SNX14: variants seen among roughly 807,000 people sequenced by gnomAD.
The protein encoded by SNX14 is sorting nexin 14.
A neutral mutation model predicts 133.8 loss-of-function variants in SNX14; 93 were observed. The observed-to-expected ratio is 0.70, with a 90% CI of 0.59 to 0.83. The LOEUF (loss-of-function observed/expected upper bound fraction) is 0.83, where lower values mean the gene tolerates loss of function less well. Ranked by LOEUF, SNX14 falls within the 40% of genes least tolerant of loss-of-function variation. The pLI is 0.00. For synonymous variants in SNX14, 368 were observed against 365.6 expected (o/e 1.01, Z -0.07); for missense variants, 945 against 1,094.9 (o/e 0.86, Z 1.93).
chr6:85,526,955 GC>G lies in SNX14; in HGVS notation c.1996-719del, dbSNP rs1468648383. Among the ~76,000 whole-genome samples, 15 of 152,222 alleles carry G rather than the reference GC, an allele frequency of 9.9e-5. No homozygotes were observed. In the East Asian group the frequency reaches 2.7e-3, roughly 27 times the overall value. The stretch of plus-strand genomic sequence containing the variant: ...GTGGCAGTGGGTGCCTGTAATCCCA[GC>G]TACTTGGGAGGCCGAGGCTGGAGAA... On this transcript the variant is annotated intron_variant, in intron 20 of 28. Transcript: ENST00000314673.
At position 85,526,651 on chromosome 6, in the gene SNX14, A is replaced by C. The variant is rs137878648; in HGVS notation, c.1996-414T>G. Among the ~76,000 whole-genome samples the C allele has an allele frequency of 3.9e-5, 6 of 152,384 alleles. No individual in the cohort carries two copies. In the East Asian group the frequency reaches 1.2e-3, roughly 29 times the overall value. ...CTCAACTATAGAAAAAAATGATAGCATGATACAGCTGTCCTGATAAATTTT... is the reference window on the plus strand; with the variant it reads ...CTCAACTATAGAAAAAAATGATAGCCTGATACAGCTGTCCTGATAAATTTT... On this transcript the variant is annotated intron_variant, in intron 20 of 28. Coordinates refer to ENST00000314673, the MANE Select transcript of SNX14 (RefSeq NM_153816.6).
chr6:85,541,866 T>C, intron 15 of SNX14, 119 bp downstream of exon 15: 1 of 628,884 alleles, frequency 1.6e-6, no homozygotes, highest in Non-Finnish European at 2.6e-6. Flanking sequence ...GTAAAATGCC[T>C]TGTGAACTCA....
chr6:85,584,504 GA>G (rs1800026584), intron 1 of SNX14, among the ~76,000 whole-genome samples: 1 of 151,944 alleles, frequency 6.6e-6, no homozygotes, highest in African/African-American at 2.4e-5. Context: ...ATCCATCTGA[GA>G]AAGGGCTAAT....
intron 7 of SNX14, among the ~76,000 whole-genome samples, chr6:85,555,270 C>T (rs982262878): frequency 1.3e-5 from 2 of 152,156 alleles, no homozygotes; most frequent in Non-Finnish European, 1.5e-5. Flanking sequence ...ATACTTCCCC[C>T]GCACAAAAAC....
chr6:85,569,189 C>T (rs1254937474), intron 4 of SNX14, among the ~76,000 whole-genome samples: 3 of 152,032 alleles, frequency 2.0e-5, no homozygotes, highest in African/African-American at 7.2e-5. Context: ...CTCGAACTCC[C>T]GACCTTAGGT....
At chr6:85,531,883 C>T (rs1478684055) in intron 18 of SNX14, among the ~76,000 whole-genome samples, 3 of 152,118 alleles carry the variant, frequency 2.0e-5, no homozygotes, top group South Asian at 2.1e-4. Context: ...TTAAAATTAG[C>T]TGGGCGTGGT....
intron 7 of SNX14, among the ~76,000 whole-genome samples, chr6:85,555,718 G>GGT (rs1268245032): frequency 1.3e-5 from 2 of 152,104 alleles, no homozygotes; most frequent in Admixed American, 6.6e-5. Flanking sequence ...GGCCAGGCAC[G>GGT]GTGGCTCATG....
At chr6:85,561,033 TAAA>T (rs75735977) in intron 6 of SNX14, among the ~76,000 whole-genome samples, 4 of 97,806 alleles carry the variant, frequency 4.1e-5, no homozygotes, top group Admixed American at 1.1e-4. Flanking sequence ...GACTCCATCT[TAAA>T]AAAAAAAAAA....
chr6:85,523,369 A>C (rs1777509026), intron 21 of SNX14, among the ~76,000 whole-genome samples: 1 of 152,234 alleles, frequency 6.6e-6, no homozygotes, highest in Non-Finnish European at 1.5e-5. Flanking sequence ...GAAACTTAGT[A>C]CAGTTCAAAT....
rs944833052 is a variant in SNX14, at chr6:85,542,162, A to G, written c.1390-119T>C. ...AAAAAAAAGCTATCTCAATCAAGTG[A>G]ATACAGACATGGTCAACTAGGGTAA... On this transcript the variant is annotated intron_variant, in intron 14 of 28. Coordinates refer to ENST00000314673, the MANE Select transcript of SNX14 (RefSeq NM_153816.6). 17 of 597,070 alleles carry G rather than the reference A, an allele frequency of 2.8e-5. No individual in the cohort carries two copies. In the South Asian group the frequency reaches 4.1e-4, roughly 14 times the overall value. The allele number at this position is 597,070 out of a possible 1,614,324, so 37.0% of individuals were successfully genotyped here. A position where few individuals can be genotyped will look rare whatever the true frequency, so the allele number is the denominator to read the frequency against.
At chr6:85,513,647 T>A (rs1341096133) in intron 26 of SNX14, among the ~76,000 whole-genome samples, 153 bp downstream of exon 26, 1 of 152,242 alleles carries the variant, frequency 6.6e-6, no homozygotes, top group East Asian at 1.9e-4. Context: ...TCTGAAAGAA[T>A]TATTTAACTA....
intron 2 of SNX14, among the ~76,000 whole-genome samples, chr6:85,573,907 G>A (rs938490187): frequency 7.2e-5 from 11 of 152,046 alleles, no homozygotes; most frequent in Admixed American, 3.9e-4. Context: ...CTAAAATTGT[G>A]GATTCCAACT....
intron 23 of SNX14, among the ~76,000 whole-genome samples, chr6:85,516,533 C>T (rs991732301): frequency 2.0e-5 from 3 of 151,212 alleles, no homozygotes; most frequent in South Asian, 4.2e-4. Context: ...ATAAAAAATG[C>T]TAATAAAACT....
intron 1 of SNX14, among the ~76,000 whole-genome samples, chr6:85,582,793 C>A (rs933866748): frequency 2.0e-5 from 3 of 151,890 alleles, no homozygotes; most frequent in Non-Finnish European, 4.4e-5. Flanking sequence ...GCCTACCAAC[C>A]AAAAAAAGCC....
chr6:85,550,526 C>T (rs942954644), intron 7 of SNX14, among the ~76,000 whole-genome samples: 2 of 152,224 alleles, frequency 1.3e-5, no homozygotes, highest in South Asian at 4.2e-4. Context: ...GACAAGGTCT[C>T]GCTCCGTCAC....
At position 85,549,817 on chromosome 6, in the gene SNX14, C is replaced by A; in HGVS notation, c.697G>T (p.Ala233Ser). Residue 233 changes from alanine to serine, a missense_variant, in exon 8 of 29, where the codon GCT becomes TCT. Transcript: ENST00000314673. Reference protein sequence around the residue: ...LEEYGPELHVALRSRRDELHY... With the variant: ...LEEYGPELHVSLRSRRDELHY... ...AATTCATCTCTTCGACTTCTCAAAG[C>A]AACATGAAGCTCTGGACCATATTCT... 6.2e-7 allele frequency: 1 copy of A among 1,613,942 alleles called. No homozygotes were observed. Among genetic ancestry groups the A allele is most frequent in the Non-Finnish European group, 8.5e-7 (1 of 1,179,900 alleles).
chr6:85,532,778 A>G (rs950649818), intron 18 of SNX14, among the ~76,000 whole-genome samples: 1 of 152,212 alleles, frequency 6.6e-6, no homozygotes, highest in Non-Finnish European at 1.5e-5. Context: ...ATCCTGCTAC[A>G]TACAGATACT....
chr6:85,543,403 T>C (rs958929123), intron 13 of SNX14, 97 bp from the exon 14 acceptor site: 48 of 1,226,764 alleles, frequency 3.9e-5, no homozygotes, highest in Non-Finnish European at 5.1e-5. Context: ...ACACACTAGA[T>C]TGAGAAATTA....
chr6:85,588,771 A>G (rs909767087), intron 1 of SNX14: 5 of 406,502 alleles, frequency 1.2e-5, no homozygotes, highest in African/African-American at 4.1e-5. Flanking sequence ...CTTATTTTGT[A>G]TATGTATTAT....
Sources: gnomAD v4.1 joint callset for allele counts (sites outside exome capture counted in the v4.1 genomes callset) on GRCh38, gnomAD v4.1.1 for gene constraint, MANE v1.5 for transcripts, NCBI Gene and HGNC (gene_info 2026-07-23, HGNC 2026-07-21) for gene names.